The following PDZRN3 variants were observed in gnomAD, a reference collection of about 807,000 sequenced individuals.
PDZRN3 encodes the protein PDZ domain containing ring finger 3, also known as E3 ubiquitin-protein ligase PDZRN3.
Under a neutral mutation model 85.7 loss-of-function variants are expected in PDZRN3, and 38 were observed. The ratio of observed to expected loss-of-function variants is 0.44; its 90% confidence interval spans 0.34 to 0.58. The LOEUF is 0.58. Ranked by LOEUF, PDZRN3 falls within the 20% of genes least tolerant of loss-of-function variation. The pLI, the probability that PDZRN3 is intolerant of heterozygous loss-of-function variation, is 0.01. For missense variants in PDZRN3, 1,629 were observed against 1,506.4 expected, an observed-to-expected ratio of 1.08 and a Z score of -1.35; for synonymous variants, 759 against 638.0, an observed-to-expected ratio of 1.19 and a Z score of -2.86.
At chr3:73,508,729 T>TA (rs1704111706) in intron 3 of PDZRN3, among the ~76,000 whole-genome samples, 1 of 152,178 alleles carries the variant, frequency 6.6e-6, no homozygotes, top group Non-Finnish European at 1.5e-5. Context: ...TCCAGAAATG[T>TA]AAACGTGGAG....
chr3:73,482,938 T>C (rs904138057), intron 3 of PDZRN3, among the ~76,000 whole-genome samples: 2 of 152,244 alleles, frequency 1.3e-5, no homozygotes, highest in Non-Finnish European at 2.9e-5. Context: ...GATTTTTCCT[T>C]GGACACCAAG....
rs527430893 is a variant in PDZRN3 at position 73,410,906 on chromosome 3, A to T, written c.919-6511T>A. ...TATGAATCGAAAAATTAACATGTAC[A>T]TTTTTGCATCACCTTACAGGTGATA... On this transcript the variant is annotated intron_variant, in intron 3 of 9. Coordinates refer to ENST00000263666, the MANE Select transcript of PDZRN3 (RefSeq NM_015009.3). Among the ~76,000 whole-genome samples the T allele has an allele frequency of 7.2e-5, 11 of 152,316 alleles. 1 individual carries two copies. The highest frequency in any genetic ancestry group is 2.6e-4 in the African/African-American group (11 of 41,580).
At chr3:73,521,124 C>A (rs1704353208) in intron 3 of PDZRN3, among the ~76,000 whole-genome samples, 1 of 152,162 alleles carries the variant, frequency 6.6e-6, no homozygotes, top group Non-Finnish European at 1.5e-5. Flanking sequence ...AGGAGACAGG[C>A]ACGGGGAAGT....
chr3:73,550,407 G>T (rs530542370), intron 3 of PDZRN3, among the ~76,000 whole-genome samples: 21 of 152,276 alleles, frequency 1.4e-4, no homozygotes, highest in African/African-American at 4.8e-4. Flanking sequence ...CACCTGGAGG[G>T]TTGTTTTTAA....
intron 3 of PDZRN3, among the ~76,000 whole-genome samples, chr3:73,490,567 T>C (rs543553003): frequency 6.6e-6 from 1 of 152,330 alleles, no homozygotes; most frequent in Admixed American, 6.5e-5. Context: ...AAAGGTTTTT[T>C]TTCTTCACCC....
chr3:73,477,532 T>C (rs1034149071), intron 3 of PDZRN3, among the ~76,000 whole-genome samples: 1 of 152,214 alleles, frequency 6.6e-6, no homozygotes, highest in African/African-American at 2.4e-5. Context: ...GAGCCAACAG[T>C]ATTCCCTAAT....
intron 3 of PDZRN3, among the ~76,000 whole-genome samples, chr3:73,555,283 A>C (rs1343606141): frequency 1.3e-5 from 2 of 152,164 alleles, no homozygotes; most frequent in Admixed American, 6.5e-5. Context: ...ACGAGGAAGA[A>C]AATTTGAGTG....
intron 1 of PDZRN3, among the ~76,000 whole-genome samples, chr3:73,611,797 A>C (rs1702688823): frequency 6.6e-6 from 1 of 152,192 alleles, no homozygotes; most frequent in Non-Finnish European, 1.5e-5. Flanking sequence ...ATTAATTGAG[A>C]TTGTAAACAG....
In PDZRN3 at chr3:73,416,857, TTTTG is replaced by T. The variant is rs1386989239; in HGVS notation, c.919-12466_919-12463del. 2.4e-3 allele frequency among the ~76,000 whole-genome samples: 361 copies of T among 148,448 alleles called. 1 individual carries two copies. Among genetic ancestry groups the T allele is most frequent in the African/African-American group, 8.7e-3 (342 of 39,262 alleles). On this transcript the variant is annotated intron_variant, in intron 3 of 9. Transcript: ENST00000263666. ...CATCTTTAACCTGCCTAGGTTTTTT[TTTTG>T]TTTGTTTTTTTTTGGTTTTTTTTTT...
intron 3 of PDZRN3, among the ~76,000 whole-genome samples, chr3:73,424,539 C>T (rs1254235664): frequency 8.3e-5 from 5 of 60,158 alleles, no homozygotes. Context: ...GAGACTCCAT[C>T]TCAAAAAAAA....
intron 3 of PDZRN3, among the ~76,000 whole-genome samples, chr3:73,595,908 T>C (rs889112942): frequency 6.6e-5 from 10 of 152,212 alleles, no homozygotes; most frequent in African/African-American, 2.4e-4. Context: ...TTTCTAGCTC[T>C]ATCTGCTGAA....
chr3:73,388,316 G>T (rs905646344), intron 7 of PDZRN3, among the ~76,000 whole-genome samples: 1 of 152,122 alleles, frequency 6.6e-6, no homozygotes, highest in Non-Finnish European at 1.5e-5. Flanking sequence ...GTGATGTGTG[G>T]GGTGTGAACA....
At chr3:73,511,199 C>T (rs1177542823) in intron 3 of PDZRN3, among the ~76,000 whole-genome samples, 1 of 152,070 alleles carries the variant, frequency 6.6e-6, no homozygotes, top group African/African-American at 2.4e-5. Context: ...CAGTAAAAAA[C>T]AATTAAGCAA....
Position 73,624,514 on chromosome 3 carries a change from G to A in PDZRN3, c.312C>T (p.Arg104=), listed in dbSNP as rs761438689. ...KLQQLPEHLE[R]CDFAPARCRH... ...GACAGCGCGCGGGCGCGAAGTCGCAGCGCTCGAGGTGCTCCGGCAGCTGCT... is the reference window on the plus strand; with the variant it reads ...GACAGCGCGCGGGCGCGAAGTCGCAACGCTCGAGGTGCTCCGGCAGCTGCT... Residue 104 remains arginine (R), a synonymous_variant, in exon 1 of 10, where the codon CGC becomes CGT. Transcript: ENST00000263666. 1 of 1,450,550 alleles carries A rather than the reference G, an allele frequency of 6.9e-7. No individual in the cohort carries two copies. 89.9% of individuals were successfully genotyped at this position (1,450,550 alleles called of 1,614,324 possible).
At chr3:73,386,653 A>G (rs868731994) in intron 8 of PDZRN3, among the ~76,000 whole-genome samples, 25 of 152,396 alleles carry the variant, frequency 1.6e-4, no homozygotes, top group Middle Eastern at 3.4e-3. Flanking sequence ...ATTCGCTGAC[A>G]TAATTGTCTA....
At chr3:73,423,636 A>G (rs1462794100) in intron 3 of PDZRN3, among the ~76,000 whole-genome samples, 2 of 152,252 alleles carry the variant, frequency 1.3e-5, no homozygotes, top group African/African-American at 2.4e-5. Flanking sequence ...TTTACAACAA[A>G]TGTTACAGTT....
intron 3 of PDZRN3, among the ~76,000 whole-genome samples, chr3:73,553,258 T>C (rs987071923): frequency 6.6e-6 from 1 of 152,160 alleles, no homozygotes; most frequent in Non-Finnish European, 1.5e-5. Flanking sequence ...ATCTCATTTA[T>C]TCCTCCTGAT....
At chr3:73,397,118 C>T (rs1701654939) in intron 5 of PDZRN3, among the ~76,000 whole-genome samples, 1 of 151,608 alleles carries the variant, frequency 6.6e-6, no homozygotes, top group East Asian at 1.9e-4. Flanking sequence ...AATGCAACCT[C>T]CGCCTCCTGG....
chr3:73,429,085 T>C (rs1317470982), intron 3 of PDZRN3, among the ~76,000 whole-genome samples: 1 of 152,070 alleles, frequency 6.6e-6, no homozygotes, highest in African/African-American at 2.4e-5. Flanking sequence ...CTTTCTTTTT[T>C]TCTTTTGTAG....
Sources: allele counts gnomAD v4.1 joint callset (sites outside exome capture counted in the v4.1 genomes callset), GRCh38; gene constraint gnomAD v4.1.1; transcripts MANE v1.5; gene names NCBI Gene and HGNC (gene_info 2026-07-23, HGNC 2026-07-21).